R3HDM2: variants seen among roughly 807,000 people sequenced by gnomAD.
R3HDM2 encodes R3H domain-containing protein 2.
A neutral mutation model predicts 124.5 loss-of-function variants in R3HDM2; 38 were observed. That is an observed-to-expected ratio of 0.31 (90% CI 0.24 to 0.40). The LOEUF (loss-of-function observed/expected upper bound fraction) is 0.40, where lower values mean the gene tolerates loss of function less well. R3HDM2 is among the 10% of genes least tolerant of loss of function. The pLI, the probability that R3HDM2 is intolerant of heterozygous loss-of-function variation, is 1.00. For missense variants in R3HDM2, 869 were observed against 1,236.9 expected, an observed-to-expected ratio of 0.70 and a Z score of 4.46; for synonymous variants, 391 against 448.0, an observed-to-expected ratio of 0.87 and a Z score of 1.61.
chr12:57,301,228 T>C (rs1334367302), intron 4 of R3HDM2, among the ~76,000 whole-genome samples: 1 of 152,160 alleles, frequency 6.6e-6, no homozygotes, highest in African/African-American at 2.4e-5. Flanking sequence ...AGCTGGTGAA[T>C]CCCAAAAATA....
At chr12:57,428,263 G>A (rs1349880949) in intron 1 of R3HDM2, among the ~76,000 whole-genome samples, 2 of 152,088 alleles carry the variant, frequency 1.3e-5, no homozygotes, top group African/African-American at 4.8e-5. Flanking sequence ...AGTGTGCCTA[G>A]TGTGCTCAAG....
At chr12:57,419,167 G>T (rs1399233544) in intron 1 of R3HDM2, among the ~76,000 whole-genome samples, 1 of 138,088 alleles carries the variant, frequency 7.2e-6, no homozygotes, top group African/African-American at 2.7e-5. Flanking sequence ...TTTTTGATAC[G>T]GATTCTTGCT....
At chr12:57,322,429 T>C (rs1264983907) in intron 2 of R3HDM2, among the ~76,000 whole-genome samples, 2 of 152,074 alleles carry the variant, frequency 1.3e-5, no homozygotes, top group East Asian at 3.9e-4. Flanking sequence ...TCTTTGACAT[T>C]GGGAATTAGG....
At chr12:57,430,583 C>T (rs1869626651) in intron 1 of R3HDM2, 137 bp downstream of exon 1, 1 of 985,080 alleles carries the variant, frequency 1.0e-6, no homozygotes, top group South Asian at 4.7e-5. Flanking sequence ...GACCCTGACC[C>T]ATCGTCCCCG....
chr12:57,284,375 G>A (rs530313329), intron 12 of R3HDM2, among the ~76,000 whole-genome samples: 13 of 152,328 alleles, frequency 8.5e-5, no homozygotes, highest in African/African-American at 2.9e-4. Flanking sequence ...CCCACCCTCT[G>A]AGGGTAATCC....
intron 2 of R3HDM2, among the ~76,000 whole-genome samples, chr12:57,358,482 C>CAAA (rs1389860482): frequency 6.6e-6 from 1 of 151,458 alleles, no homozygotes; most frequent in African/African-American, 2.4e-5. Flanking sequence ...ACCAAAAATA[C>CAAA]AAAAAAATAA....
At chr12:57,337,708 A>G (rs1322368130) in intron 2 of R3HDM2, among the ~76,000 whole-genome samples, 1 of 152,120 alleles carries the variant, frequency 6.6e-6, no homozygotes, top group Non-Finnish European at 1.5e-5. Flanking sequence ...ATAGAAAGAG[A>G]GCATATTTAT....
At chr12:57,302,365 C>A (rs2051399994) in intron 4 of R3HDM2, among the ~76,000 whole-genome samples, 1 of 151,634 alleles carries the variant, frequency 6.6e-6, no homozygotes, top group African/African-American at 2.4e-5. Flanking sequence ...GGGTGGATCA[C>A]CTAAGGTCAA....
Position 57,268,227 on chromosome 12 carries a change from G to A in R3HDM2, c.2030+76C>T, listed in dbSNP as rs116917739. On this transcript the variant is annotated intron_variant, in intron 18 of 23. Transcript: ENST00000402412. ...TTACCCCTGCCTTTCTTAGGCCAGT[G>A]GAAACAAAACCATGATGCAACTGTT... 1.6e-4 allele frequency: 251 copies of A among 1,521,276 alleles called. 1 individual carries two copies. In the East Asian group the frequency reaches 5.6e-3, roughly 34 times the overall value. 94.2% of individuals were successfully genotyped at this position (1,521,276 alleles called of 1,614,324 possible).
chr12:57,284,059 G>A lies in R3HDM2; in HGVS notation c.939-3C>T. 6.3e-7 allele frequency: 1 copy of A among 1,588,520 alleles called. No homozygotes were observed. Among genetic ancestry groups the A allele is most frequent in the Non-Finnish European group, 8.6e-7 (1 of 1,167,632 alleles). ...GGCTCAGTCCTTCACGGTTCCCCCTGCAGAGACCATAGTGGTCAGAGCACC... is the reference window on the plus strand; with the variant it reads ...GGCTCAGTCCTTCACGGTTCCCCCTACAGAGACCATAGTGGTCAGAGCACC... On this transcript the variant is annotated splice_polypyrimidine_tract_variant and splice_region_variant and intron_variant, in intron 12 of 23. Coordinates refer to ENST00000402412, the MANE Select transcript of R3HDM2 (RefSeq NM_001394031.1).
chr12:57,338,804 AT>A lies in R3HDM2; in HGVS notation c.-35-28342del, dbSNP rs993776571. 2.9e-3 allele frequency among the ~76,000 whole-genome samples: 408 copies of A among 139,000 alleles called. 1 individual carries two copies. The highest frequency in any genetic ancestry group is 9.3e-3 in the African/African-American group (354 of 38,068). 91.2% of individuals were successfully genotyped at this position (139,000 alleles called of 152,430 possible). On this transcript the variant is annotated intron_variant, in intron 2 of 23. Transcript: ENST00000402412. ...GACACAAATAGTACATCCCCCTGCC[AT>A]TTTTTTTTTTTCAAAGGGAGAGAGA...
intron 13 of R3HDM2, among the ~76,000 whole-genome samples, chr12:57,283,569 C>T (rs1347757898): frequency 1.3e-5 from 2 of 152,010 alleles, no homozygotes; most frequent in Admixed American, 1.3e-4. Context: ...TGAGACCTCA[C>T]CTCTACTAAA....
At chr12:57,409,353 A>C (rs1034869222) in intron 1 of R3HDM2, among the ~76,000 whole-genome samples, 1 of 152,112 alleles carries the variant, frequency 6.6e-6, no homozygotes, top group Non-Finnish European at 1.5e-5. Flanking sequence ...AGGCAAGCTA[A>C]TACGCACCAG....
At chr12:57,394,253 C>T (rs534350467) in intron 2 of R3HDM2, among the ~76,000 whole-genome samples, 149 of 151,460 alleles carry the variant, frequency 9.8e-4, no homozygotes, top group African/African-American at 3.4e-3. Context: ...GCCGAGATCG[C>T]GCCACTGCAC....
chr12:57,289,993 A>G (rs1036187692), intron 11 of R3HDM2, among the ~76,000 whole-genome samples: 14 of 152,232 alleles, frequency 9.2e-5, no homozygotes, highest in Non-Finnish European at 1.8e-4. Context: ...TGCCTCTACC[A>G]CAACAAGAGT....
chr12:57,290,462 T>G (rs1402486156), intron 11 of R3HDM2, among the ~76,000 whole-genome samples: 1 of 152,228 alleles, frequency 6.6e-6, no homozygotes, highest in Admixed American at 6.5e-5. Context: ...GGCTGTTTAA[T>G]CTTTATGAGC....
At chr12:57,289,568 G>A (rs1386673734) in intron 11 of R3HDM2, among the ~76,000 whole-genome samples, 2 of 152,142 alleles carry the variant, frequency 1.3e-5, no homozygotes, top group Non-Finnish European at 2.9e-5. Context: ...TACTTTTCAG[G>A]GCCTAGAAAA....
chr12:57,424,879 T>C (rs1437535986), intron 1 of R3HDM2, among the ~76,000 whole-genome samples: 6 of 152,176 alleles, frequency 3.9e-5, no homozygotes, highest in Non-Finnish European at 1.5e-5. Context: ...TATACAATAT[T>C]TTTAATAACG....
intron 14 of R3HDM2, among the ~76,000 whole-genome samples, chr12:57,274,108 CCAATTCTCTT>C (rs1054324833): frequency 2.6e-4 from 40 of 152,166 alleles, no homozygotes; most frequent in African/African-American, 9.4e-4. Context: ...TTCTATTATC[CCAATTCTCTT>C]CATTCTTTTG....
Sources: gnomAD v4.1 joint callset for allele counts (sites outside exome capture counted in the v4.1 genomes callset) on GRCh38, gnomAD v4.1.1 for gene constraint, MANE v1.5 for transcripts, NCBI Gene and HGNC (gene_info 2026-07-23, HGNC 2026-07-21) for gene names.